KLHL30: variants seen among roughly 807,000 people sequenced by gnomAD.
KLHL30 encodes the protein kelch-like protein 30.
In KLHL30, 55 loss-of-function variants were observed where a neutral mutation model predicts 55.0. The ratio of observed to expected loss-of-function variants is 1.00; its 90% CI spans 0.80 to 1.25. KLHL30 has a LOEUF of 1.25. Among genes scored for constraint, KLHL30 ranks in the 50% most tolerant of loss-of-function variants. The pLI, the probability that KLHL30 is intolerant of heterozygous loss-of-function variation, is 0.00. For synonymous variants in KLHL30, 356 were observed against 372.6 expected, an observed-to-expected ratio of 0.96 and a Z score of 0.51; for missense variants, 786 against 811.6, an observed-to-expected ratio of 0.97 and a Z score of 0.38.
rs544201318 is a variant in KLHL30 at position 238,147,666 on chromosome 2, G to A, written c.1151-168G>A. 6.6e-5 allele frequency among the ~76,000 whole-genome samples: 10 copies of A among 152,016 alleles called. No homozygotes were observed. Among genetic ancestry groups the A allele is most frequent in the Middle Eastern group, 3.4e-3 (1 of 294 alleles). On this transcript the variant is annotated intron_variant, in intron 5 of 7. Transcript: ENST00000409223. This position sits in a 1 kb window ranked among gnomAD's most constrained non-coding sequence, Gnocchi z 5.8. ...CACCCCCACCACTTCCTGGCGGGGC[G>A]GCCTTGGGAGGTGCCAGCACCTCTC...
At chr2:238,145,623 T>C (rs1387797009) in intron 4 of KLHL30, 54 bp from the exon 5 acceptor site, 3 of 1,543,296 alleles carry the variant, frequency 1.9e-6, no homozygotes, top group Non-Finnish European at 2.6e-6. Flanking sequence ...CCACACCCCA[T>C]GGCCTGGTGC....
In KLHL30 at chr2:238,142,883, G is replaced by A. The variant is rs1161313775; in HGVS notation, c.859G>A (p.Glu287Lys). The change falls in exon 3 of 8, where the codon GAG becomes AAG. Residue 287 changes from glutamate to lysine, a missense_variant. By Grantham distance (56) the Glu-to-Lys change is moderately conservative (BLOSUM62 1). Transcript: ENST00000409223. Reference sequence around the variant, plus strand: ...GCTGGAGGAGGAGGAGGCAGGTGAGGAGCCCACCCCCGGCCTTGGGAACTT... The same window carrying A: ...GCTGGAGGAGGAGGAGGCAGGTGAGAAGCCCACCCCCGGCCTTGGGAACTT... ...QALEEEEAGE[E>K]PTPGLGNFAF... 1.3e-6 allele frequency: 2 copies of A among 1,486,502 alleles called. No homozygotes were observed. Among genetic ancestry groups the A allele is most frequent in the South Asian group, 1.4e-5 (1 of 70,566 alleles). 92.1% of individuals were successfully genotyped at this position (1,486,502 alleles called of 1,614,324 possible). A position where few individuals can be genotyped will look rare whatever the true frequency, so the allele number is the denominator to read the frequency against.
rs878858204 is a variant in KLHL30, at chr2:238,147,969, C to G, written c.1286C>G (p.Ser429Cys). The G allele has an allele frequency of 2.2e-5, 35 of 1,562,876 alleles. No individual in the cohort carries two copies. The highest frequency in any genetic ancestry group is 6.0e-5 in the South Asian group (5 of 83,972). ...GCRGRLYLVG[S>C]SACKYNALAL... ...CGGGGCCGGCTCTACCTGGTGGGCT[C>G]CAGCGCCTGCAAGTACAACGCCCTG... is the stretch of plus-strand genomic sequence containing the variant. The change falls in exon 6 of 8, where the codon TCC (serine) becomes TGC (cysteine). Residue 429 changes from serine to cysteine, a missense_variant. Ser to Cys is a moderately radical substitution (Grantham distance 112). Transcript: ENST00000409223. The surrounding 1 kb of genome is among the most constrained non-coding windows in gnomAD (Gnocchi z 5.8).
chr2:238,145,838 G>T lies in KLHL30; in HGVS notation c.1150+6G>T. The T allele has an allele frequency of 6.3e-7, 1 of 1,590,092 alleles. No individual in the cohort carries two copies. Among genetic ancestry groups the T allele is most frequent in the Non-Finnish European group, 8.6e-7 (1 of 1,166,962 alleles). Reference sequence around the variant, plus strand: ...GGAGATCTACGTTATCGGCGGTGAGGCCTTCCTCTCCACCCTTCCCTGGGG... The same window carrying T: ...GGAGATCTACGTTATCGGCGGTGAGTCCTTCCTCTCCACCCTTCCCTGGGG... On this transcript the variant is annotated splice_donor_region_variant and intron_variant, in intron 5 of 7. Coordinates refer to ENST00000409223, the MANE Select transcript of KLHL30 (RefSeq NM_198582.4).
At chr2:238,144,424 A>AGGCAGGCAGGC (rs1559275987) in intron 3 of KLHL30, among the ~76,000 whole-genome samples, 52 of 82,686 alleles carry the variant, frequency 6.3e-4, no homozygotes, top group African/African-American at 1.3e-3. Context: ...GGAAGGAAGG[A>AGGCAGGCAGGC]AGGAAGGAAG....
intron 7 of KLHL30, among the ~76,000 whole-genome samples, chr2:238,149,914 C>T (rs1358935249): frequency 6.6e-6 from 1 of 152,148 alleles, no homozygotes; most frequent in Non-Finnish European, 1.5e-5. Context: ...TGGACCTGCC[C>T]ACCTGCCCCA....
chr2:238,152,711 G>A lies in KLHL30; in HGVS notation c.*1646G>A, dbSNP rs938550714. The A allele has an allele frequency of 2.6e-5, 4 of 152,092 alleles. No individual in the cohort carries two copies. Among genetic ancestry groups the A allele is most frequent in the Non-Finnish European group, 5.9e-5 (4 of 68,036 alleles). The allele number at this position is 152,092 out of a possible 1,614,324, so 9.4% of individuals were successfully genotyped here. ...AGTGGGGCCTCTGGGTGCTACCAAA[G>A]GAACAAGAGCCCAGAGCTGAGGAGA... On this transcript the variant is annotated 3_prime_UTR_variant, in exon 8 of 8. Transcript: ENST00000409223.
intron 7 of KLHL30, 132 bp downstream of exon 7, chr2:238,149,284 C>T: frequency 8.0e-7 from 1 of 1,249,442 alleles, no homozygotes; most frequent in South Asian, 1.5e-5. Flanking sequence ...GGCTGGGGTG[C>T]CCACAGAGGG....
chr2:238,141,560 G>A, intron 2 of KLHL30, 32 bp downstream of exon 2: 2 of 1,432,012 alleles, frequency 1.4e-6, no homozygotes, highest in Non-Finnish European at 1.8e-6. Context: ...CCCATCCCTG[G>A]GAAGCAGGGA....
chr2:238,146,342 T>C (rs1355669753), intron 5 of KLHL30, among the ~76,000 whole-genome samples: 1 of 150,946 alleles, frequency 6.6e-6, no homozygotes, highest in Non-Finnish European at 1.5e-5. Flanking sequence ...AGTTTGAGAC[T>C]AGCCTGGGCA....
chr2:238,147,786 C>G lies in KLHL30; in HGVS notation c.1151-48C>G, dbSNP rs1692672961. ...AGCCCCAGCCCCTGAGTTTCCAGGC[C>G]TCCCCTCTCCTCCCCAGCCCTGAAC... On this transcript the variant is annotated intron_variant, in intron 5 of 7. Coordinates refer to ENST00000409223, the MANE Select transcript of KLHL30 (RefSeq NM_198582.4). The surrounding 1 kb of genome is among the most constrained non-coding windows in gnomAD (Gnocchi z 5.8). 7.9e-7 allele frequency: 1 copy of G among 1,271,444 alleles called. No individual in the cohort carries two copies. Among genetic ancestry groups the G allele is most frequent in the Non-Finnish European group, 1.0e-6 (1 of 966,638 alleles). 78.8% of individuals were successfully genotyped at this position (1,271,444 alleles called of 1,614,324 possible). A position where few individuals can be genotyped will look rare whatever the true frequency, so the allele number is the denominator to read the frequency against.
In KLHL30 at chr2:238,150,834, G is replaced by C; in HGVS notation, c.1506G>C (p.Leu502=). The C allele has an allele frequency of 6.3e-7, 1 of 1,588,418 alleles. No homozygotes were observed. Residue 502 remains leucine (L), a synonymous_variant, in exon 8 of 8, where the codon CTG becomes CTC. Transcript: ENST00000409223. The part of the protein sequence containing the change: ...LWQKVQSQHS[L]HENGALVPLG... ...CACAGGTGCAGTCACAGCACAGCCT[G>C]CATGAGAATGGCGCGCTGGTGCCAC...
Position 238,141,189 on chromosome 2 carries a change from A to C in KLHL30, c.435A>C (p.Gln145His). Residue 145 changes from glutamine (Q) to histidine (H), a missense_variant, in exon 2 of 8, where the codon CAA (glutamine) becomes CAC (histidine). Transcript: ENST00000409223. ...CLGICEFGEQ[Q>H]GLLGVAAKAW... ...GCATCTGTGAGTTCGGGGAGCAGCA[A>C]GGGCTGCTGGGCGTGGCTGCCAAGG... The C allele has an allele frequency of 6.2e-7, 1 of 1,611,758 alleles. No individual in the cohort carries two copies. Among genetic ancestry groups the C allele is most frequent in the Admixed American group, 1.7e-5 (1 of 59,972 alleles).
Position 238,143,020 on chromosome 2 carries a change from G to C in KLHL30, c.907+89G>C, listed in dbSNP as rs1692570658. The C allele has an allele frequency of 8.7e-6, 12 of 1,379,932 alleles. 1 individual carries two copies. In the South Asian group the frequency reaches 1.6e-4, roughly 19 times the overall value. 85.5% of individuals were successfully genotyped at this position (1,379,932 alleles called of 1,614,324 possible). On this transcript the variant is annotated intron_variant, in intron 3 of 7. Transcript: ENST00000409223. ...TCCTCCTTGCAGGTGGAGCGCATGAGGCTCGCAGAGGACCGGGAGCTGTGT... is the reference window on the plus strand; with the variant it reads ...TCCTCCTTGCAGGTGGAGCGCATGACGCTCGCAGAGGACCGGGAGCTGTGT...
rs746374007 is a variant in KLHL30 at position 238,140,925 on chromosome 2, C to T, written c.171C>T (p.Tyr57=). The change falls in exon 2 of 8, where the codon TAC becomes TAT. Residue 57 remains tyrosine, a synonymous_variant. Transcript: ENST00000409223. ...HRGLLALSSP[Y]FHAMFAGDFA... ...GCCTCCTGGCGCTCAGCAGCCCCTA[C>T]TTCCATGCCATGTTTGCGGGTGACT... 6.2e-7 allele frequency: 1 copy of T among 1,611,118 alleles called. No homozygotes were observed. The highest frequency in any genetic ancestry group is 8.5e-7 in the Non-Finnish European group (1 of 1,178,714).
Position 238,144,885 on chromosome 2 carries a change from C to T in KLHL30, c.908-17C>T. 1.3e-6 allele frequency: 2 copies of T among 1,594,270 alleles called. No individual in the cohort carries two copies. The highest frequency in any genetic ancestry group is 1.7e-5 in the Admixed American group (1 of 58,570). On this transcript the variant is annotated splice_polypyrimidine_tract_variant and intron_variant, in intron 3 of 7. Coordinates refer to ENST00000409223, the MANE Select transcript of KLHL30 (RefSeq NM_198582.4). ...GAGCCTGGCAGCCTGACCCTTCTGC[C>T]TCTCTCTTCCTGCCAGAGAGGTGGA...
intron 3 of KLHL30, among the ~76,000 whole-genome samples, chr2:238,144,402 G>GGAAA (rs1559275847): frequency 1.7e-5 from 2 of 114,468 alleles, no homozygotes; most frequent in Non-Finnish European, 3.5e-5. Flanking sequence ...AAGGAAGGAA[G>GGAAA]GAAGGAAGGA....
chr2:238,143,103 C>A (rs1045639013), intron 3 of KLHL30, among the ~76,000 whole-genome samples, 172 bp downstream of exon 3: 1 of 152,226 alleles, frequency 6.6e-6, no homozygotes. Flanking sequence ...CAGAGGAGCC[C>A]GAGGTACCCC....
intron 7 of KLHL30, 126 bp from the exon 8 acceptor site, chr2:238,150,688 C>T: frequency 1.8e-6 from 2 of 1,119,080 alleles, no homozygotes; most frequent in East Asian, 2.6e-5. Context: ...GCGCTCATGC[C>T]CTGGAGGGGA....
Sources: gnomAD v4.1 joint callset for allele counts (sites outside exome capture counted in the v4.1 genomes callset) on GRCh38, gnomAD v4.1.1 for gene constraint, Gnocchi (gnomAD v3.1) non-coding constraint, MANE v1.5 for transcripts, NCBI Gene and HGNC (gene_info 2026-07-23, HGNC 2026-07-21) for gene names.